Variants in CA5A observed in about 807,000 individuals in gnomAD.
CA5A encodes carbonic anhydrase 5A, mitochondrial.
Under a neutral mutation model 37.1 loss-of-function variants are expected in CA5A, and 28 were observed. The observed-to-expected ratio is 0.75, with a 90% CI of 0.56 to 1.03. The LOEUF is 1.03. Ranked by LOEUF, CA5A falls within the 50% of genes least tolerant of loss-of-function variation. The pLI is 0.00. For missense variants in CA5A, 444 were observed against 399.9 expected (o/e 1.11, Z -0.94); for synonymous variants, 171 against 158.4 (o/e 1.08, Z -0.60).
chr16:87,916,012 A>C (rs1457162428), intron 2 of CA5A, among the ~76,000 whole-genome samples: 1 of 151,896 alleles, frequency 6.6e-6, no homozygotes, highest in Non-Finnish European at 1.5e-5. Context: ...CAGGTCTTGC[A>C]TGGGGGCAGC....
chr16:87,888,578 C>G (rs2055670969), intron 6 of CA5A, among the ~76,000 whole-genome samples: 1 of 152,128 alleles, frequency 6.6e-6, no homozygotes, highest in Admixed American at 6.6e-5. Context: ...CTGCCAGCAC[C>G]AACTTGCTAG....
chr16:87,907,234 C>T (rs561272256), intron 2 of CA5A, among the ~76,000 whole-genome samples: 3 of 152,086 alleles, frequency 2.0e-5, no homozygotes, highest in African/African-American at 2.4e-5. Flanking sequence ...AAAACACAGG[C>T]GTGAGCCACC....
In CA5A at chr16:87,891,848, G is replaced by C. The variant is rs762793426; in HGVS notation, c.725C>G (p.Ser242Trp). Reference sequence around the variant, plus strand: ...CTCCTTCTGGATGATCCAGGTGACCGACTCGGTCAGCGGCGGGGTGGTGAG... The same window carrying C: ...CTCCTTCTGGATGATCCAGGTGACCCACTCGGTCAGCGGCGGGGTGGTGAG... ...GSLTTPPLTE[S>W]VTWIIQKEPV... is the part of the protein sequence containing the mutation. Residue 242 changes from serine (S) to tryptophan (W), a missense_variant, in exon 6 of 7, where the codon TCG (serine) becomes TGG (tryptophan). Ser to Trp is a radical substitution (Grantham distance 177). Coordinates refer to ENST00000649794, the MANE Select transcript of CA5A (RefSeq NM_001739.2). The C allele has an allele frequency of 1.5e-5, 24 of 1,579,714 alleles. No individual in the cohort carries two copies. In the South Asian group the frequency reaches 2.8e-4, roughly 18 times the overall value.
intron 2 of CA5A, among the ~76,000 whole-genome samples, chr16:87,905,988 C>T (rs1200789307): frequency 6.6e-6 from 1 of 152,254 alleles, no homozygotes; most frequent in African/African-American, 2.4e-5. Flanking sequence ...TGCTGGGAGT[C>T]TGCCTTTTAA....
intron 2 of CA5A, among the ~76,000 whole-genome samples, chr16:87,921,035 C>T (rs2056223147): frequency 6.6e-6 from 1 of 152,084 alleles, no homozygotes; most frequent in African/African-American, 2.4e-5. Context: ...TCAGGTGATC[C>T]GCCTGCCTTG....
At chr16:87,889,421 C>G (rs1300623160) in intron 6 of CA5A, among the ~76,000 whole-genome samples, 2 of 152,094 alleles carry the variant, frequency 1.3e-5, no homozygotes, top group East Asian at 1.9e-4. Flanking sequence ...ATAACTAACA[C>G]CTATAATGTA....
chr16:87,909,823 C>T (rs1567525122), intron 2 of CA5A, among the ~76,000 whole-genome samples: 1 of 152,178 alleles, frequency 6.6e-6, no homozygotes, highest in Non-Finnish European at 1.5e-5. Flanking sequence ...ACTGGAAAGC[C>T]GTGTTTCGTT....
intron 3 of CA5A, among the ~76,000 whole-genome samples, chr16:87,904,110 G>A (rs527453927): frequency 3.3e-5 from 5 of 152,264 alleles, no homozygotes; most frequent in Admixed American, 3.3e-4. Flanking sequence ...GGGAGGCTGA[G>A]GTGGGTGGAT....
chr16:87,926,529 T>G (rs1597584993), intron 2 of CA5A, among the ~76,000 whole-genome samples: 1 of 152,216 alleles, frequency 6.6e-6, no homozygotes, highest in Non-Finnish European at 1.5e-5. Flanking sequence ...GTGCCGGCGG[T>G]ATTCTCATCT....
chr16:87,886,509 G>C (rs2055649279), downstream of CA5A: 1 of 152,108 alleles, frequency 6.6e-6, no homozygotes, highest in Admixed American at 6.6e-5. Context: ...TGTGCTGTGA[G>C]GTAGGGGTGT....
At chr16:87,923,650 GTCAGCCACCAGA>G (rs1481718123) in intron 2 of CA5A, 1 of 985,304 alleles carries the variant, frequency 1.0e-6, no homozygotes, top group African/African-American at 1.7e-5. Flanking sequence ...TCAGCTCAGG[GTCAGCCACCAGA>G]CCCTTTGCCT....
intron 1 of CA5A, among the ~76,000 whole-genome samples, chr16:87,929,881 A>AAAT (rs1555524425): frequency 6.6e-6 from 1 of 151,370 alleles, no homozygotes; most frequent in African/African-American, 2.4e-5. Context: ...CAAAAAAAAA[A>AAAT]AAAAAAAAAA....
chr16:87,910,822 TC>T (rs1400852149), intron 2 of CA5A, among the ~76,000 whole-genome samples: 1 of 152,132 alleles, frequency 6.6e-6, no homozygotes, highest in Non-Finnish European at 1.5e-5. Context: ...AGATCTTGGC[TC>T]ACTGCAACCT....
intron 2 of CA5A, among the ~76,000 whole-genome samples, chr16:87,917,703 GAACA>G (rs1567530430): frequency 1.7e-5 from 2 of 119,480 alleles, no homozygotes; most frequent in Non-Finnish European, 1.8e-5. Context: ...ACCCGCACAC[GAACA>G]CACACATGAA....
chr16:87,935,805 G>A (rs2056462849), intron 1 of CA5A, among the ~76,000 whole-genome samples: 1 of 151,706 alleles, frequency 6.6e-6, no homozygotes. Context: ...GAACCTGGAG[G>A]GCAGAGGTTG....
At chr16:87,933,682 G>A (rs1227216423) in intron 1 of CA5A, among the ~76,000 whole-genome samples, 1 of 152,134 alleles carries the variant, frequency 6.6e-6, no homozygotes, top group East Asian at 1.9e-4. Flanking sequence ...CCCCATGCCT[G>A]GTTCTAAAAT....
chr16:87,915,518 G>C (rs1005489984), intron 2 of CA5A, among the ~76,000 whole-genome samples: 7 of 139,510 alleles, frequency 5.0e-5, no homozygotes, highest in African/African-American at 1.9e-4. Context: ...ACCAGATCCT[G>C]TGTCAAAATT....
At chr16:87,890,409 C>T (rs2055696073) in intron 6 of CA5A, among the ~76,000 whole-genome samples, 1 of 152,128 alleles carries the variant, frequency 6.6e-6, no homozygotes, top group Non-Finnish European at 1.5e-5. Context: ...GCCCGGGAGA[C>T]TGAAAGACCC....
intron 2 of CA5A, among the ~76,000 whole-genome samples, chr16:87,913,792 C>T (rs1398213519): frequency 6.6e-5 from 10 of 152,156 alleles, no homozygotes; most frequent in African/African-American, 1.4e-4. Flanking sequence ...GTAGCTGGCC[C>T]GTCCTGCACA....
Sources: gnomAD v4.1 joint callset for allele counts (sites outside exome capture counted in the v4.1 genomes callset) on GRCh38, gnomAD v4.1.1 for gene constraint, MANE v1.5 for transcripts, NCBI Gene and HGNC (gene_info 2026-07-23, HGNC 2026-07-21) for gene names.